The following PIEZO1 variants were observed in gnomAD, a reference collection of about 807,000 sequenced individuals.
PIEZO1 encodes piezo-type mechanosensitive ion channel component 1.
In PIEZO1, 296 loss-of-function variants were observed where a neutral mutation model predicts 297.2. The observed-to-expected ratio is 1.00, with a 90% CI of 0.91 to 1.10. The LOEUF (loss-of-function observed/expected upper bound fraction) is 1.10. PIEZO1 is among the 50% of genes least tolerant of loss of function. The pLI is 0.00. For synonymous variants in PIEZO1, 2,427 were observed against 1,507.5 expected (o/e 1.61, Z -14.13); for missense variants, 5,018 against 3,455.5 (o/e 1.45, Z -11.34).
Position 88,732,634 on chromosome 16 carries a change from T to G in PIEZO1, c.2763A>C (p.Lys921Asn). 1.3e-6 allele frequency: 2 copies of G among 1,549,592 alleles called. No individual in the cohort carries two copies. Among genetic ancestry groups the G allele is most frequent in the Non-Finnish European group, 1.7e-6 (2 of 1,146,456 alleles). The change falls in exon 20 of 51, where the codon AAA becomes AAC. Residue 921 changes from lysine to asparagine, a missense_variant. Lys to Asn is a moderately conservative substitution (Grantham distance 94). Transcript: ENST00000301015. ...GGATGTAGCCCAGGTTGGGGAACCC[T>G]TTCCGCACCCCAAACCAGTTGGCAG... ...VDPANWFGVR[K>N]GFPNLGYIQN...
intron 2 of PIEZO1, among the ~76,000 whole-genome samples, chr16:88,749,081 CAAAA>C (rs751571390): frequency 6.8e-6 from 1 of 147,816 alleles, no homozygotes; most frequent in African/African-American, 2.5e-5. Flanking sequence ...ACTAAAAATA[CAAAA>C]AAAAATAAGC....
At chr16:88,784,589 C>T (rs1420330892) in intron 1 of PIEZO1, among the ~76,000 whole-genome samples, 1 of 152,008 alleles carries the variant, frequency 6.6e-6, no homozygotes. Flanking sequence ...CCGGCGGCCT[C>T]CTCTCCGCAG....
intron 1 of PIEZO1, among the ~76,000 whole-genome samples, chr16:88,765,139 G>A (rs1254733196): frequency 2.6e-5 from 4 of 152,262 alleles, no homozygotes; most frequent in Admixed American, 2.6e-4. Flanking sequence ...AGTCTGGCCT[G>A]TCTAGACTGC....
chr16:88,750,810 G>A (rs1392603628), intron 1 of PIEZO1, among the ~76,000 whole-genome samples: 5 of 152,204 alleles, frequency 3.3e-5, no homozygotes, highest in African/African-American at 1.2e-4. Flanking sequence ...GGCGCCTCAT[G>A]CTGCCTAAGG....
chr16:88,715,986 G>C lies in PIEZO1; in HGVS notation c.7263C>G (p.Val2421=), dbSNP rs1473893606. 7 of 1,550,062 alleles carry C rather than the reference G, an allele frequency of 4.5e-6. No individual in the cohort carries two copies. Among genetic ancestry groups the C allele is most frequent in the Non-Finnish European group, 2.6e-6 (3 of 1,146,904 alleles). ...CRTDCNLLPM[V]IFSDKVSPPS... is the part of the protein sequence containing the mutation. ...GTGGGCTGACCTTGTCACTGAAAAT[G>C]ACCATGGGCAGCAGGTTGCAGTCGG... The change falls in exon 50 of 51, where the codon GTC becomes GTG. Residue 2421 remains valine, a synonymous_variant. Transcript: ENST00000301015.
In PIEZO1 at chr16:88,749,173, A is replaced by G. The variant is rs368380155; in HGVS notation, c.160+211T>C. Among the ~76,000 whole-genome samples the G allele has an allele frequency of 6.4e-3, 963 of 150,252 alleles. 4 individuals are homozygous for G. Among genetic ancestry groups the G allele is most frequent in the African/African-American group, 0.017 (684 of 40,772 alleles). Reference sequence around the variant, plus strand: ...GAGAATGGCGTGAACCTGGGAGGCGAAGCCTGCAGTGAGCAGAGATCGCGC... The same window carrying G: ...GAGAATGGCGTGAACCTGGGAGGCGGAGCCTGCAGTGAGCAGAGATCGCGC... On this transcript the variant is annotated intron_variant, in intron 2 of 50. Coordinates refer to ENST00000301015, the MANE Select transcript of PIEZO1 (RefSeq NM_001142864.4).
rs564675276 is a variant in PIEZO1 at position 88,737,829 on chromosome 16, G to C, written c.1021-15C>G. The C allele has an allele frequency of 6.5e-7, 1 of 1,535,238 alleles. No homozygotes were observed. The highest frequency in any genetic ancestry group is 1.4e-5 in the African/African-American group (1 of 73,024). On this transcript the variant is annotated splice_polypyrimidine_tract_variant and intron_variant, in intron 8 of 50. Coordinates refer to ENST00000301015, the MANE Select transcript of PIEZO1 (RefSeq NM_001142864.4). ...GCCTCCTTCCTCTGCAGAGACCAGC[G>C]TCTTGAGCCCAAACCAGCTCCACAC...
intron 5 of PIEZO1, 181 bp downstream of exon 5, chr16:88,741,297 A>T (rs1467389062): frequency 1.4e-5 from 8 of 592,478 alleles, no homozygotes; most frequent in Non-Finnish European, 2.4e-5. Context: ...AACAGGTCTG[A>T]ACGGATGGAA....
chr16:88,764,968 C>T (rs1354863134), intron 1 of PIEZO1, among the ~76,000 whole-genome samples: 1 of 152,206 alleles, frequency 6.6e-6, no homozygotes, highest in Non-Finnish European at 1.5e-5. Context: ...CGGTAGCCGC[C>T]TCTCAGGAGC....
chr16:88,733,815 T>C (rs1379811892), intron 17 of PIEZO1, 70 bp from the exon 18 acceptor site: 4 of 1,471,904 alleles, frequency 2.7e-6, no homozygotes, highest in Non-Finnish European at 3.6e-6. Flanking sequence ...GAAGAGGCTC[T>C]GGAGCCCAGA....
At chr16:88,749,205 A>G (rs180815881) in intron 2 of PIEZO1, among the ~76,000 whole-genome samples, 179 bp downstream of exon 2, 4 of 151,538 alleles carry the variant, frequency 2.6e-5, no homozygotes, top group South Asian at 2.1e-4. Flanking sequence ...GCGCCACTGC[A>G]CTCCAGCCTG....
Position 88,716,036 on chromosome 16 carries a change from CCCA to C in PIEZO1, c.7210_7212del (p.Trp2404del), listed in dbSNP as rs1435536420. On this transcript the variant is annotated inframe_deletion, in exon 50 of 51. Transcript: ENST00000301015. ...GTCCGGCACTCCTGCAGCTCGATGA[CCCA>C]CCATTCGAGGAAGCCGGTGGCCCCC... 1 of 1,550,222 alleles carries C rather than the reference CCCA, an allele frequency of 6.5e-7. No homozygotes were observed. Among genetic ancestry groups the C allele is most frequent in the Non-Finnish European group, 8.7e-7 (1 of 1,146,908 alleles).
At position 88,733,967 on chromosome 16, in the gene PIEZO1, C is replaced by CT. The variant is rs577469073; in HGVS notation, c.2267dup (p.Asp757GlyfsTer20). 1 of 1,380,702 alleles carries CT rather than the reference C, an allele frequency of 7.2e-7. No individual in the cohort carries two copies. Among genetic ancestry groups the CT allele is most frequent in the Non-Finnish European group, 9.5e-7 (1 of 1,057,562 alleles). 85.5% of individuals were successfully genotyped at this position (1,380,702 alleles called of 1,614,324 possible). On this transcript the variant is annotated frameshift_variant, in exon 17 of 51. Transcript: ENST00000301015. LOFTEE classifies it high-confidence loss of function. ...CGCCCAGCCCCTCGTCCCTGGAGTC[C>CT]TCCTCCTCCTCCTCCTCCTCCTGCT...
chr16:88,754,972 C>T (rs1906580715), intron 1 of PIEZO1, among the ~76,000 whole-genome samples: 1 of 152,236 alleles, frequency 6.6e-6, no homozygotes, highest in South Asian at 2.1e-4. Context: ...GCTGAACCTC[C>T]CACCCGAGGA....
At chr16:88,758,055 C>T (rs1256208888) in intron 1 of PIEZO1, among the ~76,000 whole-genome samples, 1 of 152,154 alleles carries the variant, frequency 6.6e-6, no homozygotes, top group Non-Finnish European at 1.5e-5. Flanking sequence ...ATAGGCCCTC[C>T]GGGGTTGGGG....
intron 2 of PIEZO1, among the ~76,000 whole-genome samples, chr16:88,747,289 G>A (rs1223806569): frequency 6.6e-6 from 1 of 151,460 alleles, no homozygotes; most frequent in Non-Finnish European, 1.5e-5. Context: ...GCCGAGGTGG[G>A]CAGATCACCT....
chr16:88,732,060 G>A (rs1051416948), intron 21 of PIEZO1, 150 bp from the exon 22 acceptor site: 18 of 366,690 alleles, frequency 4.9e-5, no homozygotes, highest in Admixed American at 4.4e-4. Context: ...CTGTCAAGAG[G>A]GCAGGAGTGG....
At chr16:88,731,962 G>GGATGC in intron 21 of PIEZO1, 52 bp from the exon 22 acceptor site, 1 of 118,602 alleles carries the variant, frequency 8.4e-6, no homozygotes. Context: ...TGGGGGGAGG[G>GGATGC]ACTTTCTTGT....
intron 24 of PIEZO1, 22 bp from the exon 25 acceptor site, chr16:88,726,980 G>C: frequency 1.3e-6 from 2 of 1,549,444 alleles, no homozygotes; most frequent in Non-Finnish European, 1.7e-6. Context: ...GAGCGTCAGG[G>C]CGGGCGCCCC....
Sources: gnomAD v4.1 joint callset for allele counts (sites outside exome capture counted in the v4.1 genomes callset) on GRCh38, gnomAD v4.1.1 for gene constraint, MANE v1.5 for transcripts, NCBI Gene and HGNC (gene_info 2026-07-23, HGNC 2026-07-21) for gene names.